Variants in TENM2 observed in about 807,000 individuals in gnomAD.
TENM2 encodes teneurin transmembrane protein 2.
In TENM2, 52 loss-of-function variants were observed where a neutral mutation model predicts 245.2. The observed-to-expected ratio is 0.21, with a 90% confidence interval of 0.17 to 0.27. TENM2 has a LOEUF of 0.27. TENM2 is among the 10% of genes least tolerant of loss of function. The pLI is 1.00. For missense variants in TENM2, 3,046 were observed against 3,666.8 expected (o/e 0.83, Z 4.37); for synonymous variants, 1,363 against 1,438.9 (o/e 0.95, Z 1.19).
intron 5 of TENM2, among the ~76,000 whole-genome samples, chr5:168,008,932 C>T (rs1339510414): frequency 1.3e-5 from 2 of 152,094 alleles, no homozygotes; most frequent in African/African-American, 2.4e-5. Context: ...ATGAGAGGGC[C>T]TTTGATCCAA....
intron 7 of TENM2, chr5:168,088,457 A>C (rs544547161): frequency 6.6e-6 from 1 of 152,196 alleles, no homozygotes; most frequent in Admixed American, 6.5e-5. Flanking sequence ...TCCTTGAGAA[A>C]TGGAGAAAAT....
intron 3 of TENM2, among the ~76,000 whole-genome samples, chr5:167,931,460 G>A (rs1223351870): frequency 1.3e-5 from 2 of 149,608 alleles, no homozygotes; most frequent in South Asian, 2.2e-4. Flanking sequence ...TATAATAGTC[G>A]TAGAATATTG....
At chr5:167,289,454 C>T (rs182237727) in intron 1 of TENM2, among the ~76,000 whole-genome samples, 7 of 152,058 alleles carry the variant, frequency 4.6e-5, no homozygotes, top group East Asian at 1.9e-4. Context: ...AGGTCAAGGT[C>T]GAAGAAAAAA....
chr5:167,996,421 T>C (rs1235979803), intron 5 of TENM2, among the ~76,000 whole-genome samples: 1 of 152,174 alleles, frequency 6.6e-6, no homozygotes, highest in African/African-American at 2.4e-5. Flanking sequence ...ACTTTGTGCA[T>C]CACTCAGGCC....
At chr5:167,248,780 G>A in the TENM2 span, among the ~76,000 whole-genome samples, 6 of 113,802 alleles carry the variant, frequency 5.3e-5, no homozygotes, top group Non-Finnish European at 7.3e-5. Context: ...ATATATATGT[G>A]TGTATATATA....
At chr5:167,351,766 A>G (rs1365970701) in intron 1 of TENM2, among the ~76,000 whole-genome samples, 1 of 152,112 alleles carries the variant, frequency 6.6e-6, no homozygotes, top group Non-Finnish European at 1.5e-5. Flanking sequence ...GCCCCAAGTC[A>G]TTATTTAAGG....
At chr5:167,229,816 C>G in the TENM2 span, among the ~76,000 whole-genome samples, 31,561 of 152,056 alleles carry the variant, frequency 0.21, 3,834 homozygotes, top group African/African-American at 0.33. Flanking sequence ...GGAATGCTCA[C>G]GTGTAAGTGA....
intron 2 of TENM2, among the ~76,000 whole-genome samples, chr5:167,518,178 A>G (rs1458668182): frequency 6.6e-6 from 1 of 151,894 alleles, no homozygotes; most frequent in Non-Finnish European, 1.5e-5. Flanking sequence ...AAAAAAATTA[A>G]TAGTTTAAGT....
At chr5:167,649,033 G>T (rs964268760) in intron 2 of TENM2, among the ~76,000 whole-genome samples, 1 of 152,118 alleles carries the variant, frequency 6.6e-6, no homozygotes, top group Non-Finnish European at 1.5e-5. Context: ...GTGAAATGAT[G>T]ACTTTTAGGA....
chr5:167,305,029 G>A (rs1476754189), intron 1 of TENM2, among the ~76,000 whole-genome samples: 2 of 152,158 alleles, frequency 1.3e-5, no homozygotes, highest in Admixed American at 6.5e-5. Flanking sequence ...AGGGATCATA[G>A]CCAGTCTGAA....
At chr5:168,100,815 A>T (rs1562158261) in intron 9 of TENM2, among the ~76,000 whole-genome samples, 1 of 151,550 alleles carries the variant, frequency 6.6e-6, no homozygotes, top group Non-Finnish European at 1.5e-5. Flanking sequence ...GCAAACTATT[A>T]TGGGTGCAGC....
At chr5:168,178,260 A>C (rs1211495148) in intron 13 of TENM2, among the ~76,000 whole-genome samples, 1 of 152,182 alleles carries the variant, frequency 6.6e-6, no homozygotes, top group African/African-American at 2.4e-5. Context: ...CCTCGGCTGC[A>C]CTGGCCGTCG....
intron 2 of TENM2, among the ~76,000 whole-genome samples, chr5:167,654,484 A>G (rs1754701655): frequency 6.6e-6 from 1 of 152,192 alleles, no homozygotes; most frequent in African/African-American, 2.4e-5. Flanking sequence ...TAACTACTCA[A>G]TACGTGTTAG....
chr5:167,932,301 A>G (rs1367124729), intron 3 of TENM2, among the ~76,000 whole-genome samples: 1 of 152,182 alleles, frequency 6.6e-6, no homozygotes, highest in Non-Finnish European at 1.5e-5. Context: ...TGTGTCTTCA[A>G]TGAGCTAAAG....
At chr5:167,636,920 C>T (rs139417118) in intron 2 of TENM2, among the ~76,000 whole-genome samples, 33 of 152,308 alleles carry the variant, frequency 2.2e-4, no homozygotes, top group African/African-American at 7.9e-4. Flanking sequence ...TGCAAGTTGA[C>T]ATTGTGTCAC....
chr5:168,060,160 G>A (rs992188230), intron 6 of TENM2, among the ~76,000 whole-genome samples: 3 of 151,790 alleles, frequency 2.0e-5, no homozygotes, highest in Admixed American at 2.0e-4. Context: ...GGCCAAAGCT[G>A]GAGAATCACT....
the TENM2 span, among the ~76,000 whole-genome samples, chr5:167,149,238 T>C: frequency 6.6e-6 from 1 of 151,998 alleles, no homozygotes; most frequent in African/African-American, 2.4e-5. Context: ...CCCTGATAGA[T>C]TGCAACCTCC....
chr5:167,689,684 G>T (rs571861364), intron 2 of TENM2, among the ~76,000 whole-genome samples: 2 of 152,322 alleles, frequency 1.3e-5, no homozygotes, highest in South Asian at 2.1e-4. Context: ...AGTAGGTCCC[G>T]TTTATGCTAA....
intron 2 of TENM2, among the ~76,000 whole-genome samples, chr5:167,630,443 T>A (rs1258868774): frequency 1.3e-5 from 2 of 152,216 alleles, no homozygotes; most frequent in East Asian, 3.9e-4. Flanking sequence ...ACAGGATTCA[T>A]AATAATGTTA....
Sources: gnomAD v4.1 joint callset for allele counts (sites outside exome capture counted in the v4.1 genomes callset) on GRCh38, gnomAD v4.1.1 for gene constraint, MANE v1.5 for transcripts, NCBI Gene and HGNC (gene_info 2026-07-23, HGNC 2026-07-21) for gene names.